Variants in FNTB observed in about 807,000 individuals in gnomAD.
FNTB encodes protein farnesyltransferase subunit beta.
In FNTB, 27 loss-of-function variants were observed where a neutral mutation model predicts 59.4. That is an observed-to-expected ratio of 0.45 (90% confidence interval 0.34 to 0.63). The LOEUF is 0.63. FNTB is among the 20% of genes least tolerant of loss of function. FNTB has a pLI of 0.02. For missense variants in FNTB, 449 were observed against 559.6 expected, an observed-to-expected ratio of 0.80 and a Z score of 1.99; for synonymous variants, 230 against 220.7, an observed-to-expected ratio of 1.04 and a Z score of -0.37.
In FNTB at chr14:64,990,639, C is replaced by G. The variant is rs932507418; in HGVS notation, c.144+3542C>G. ...CTTTATAAACTCTCCTCAAATCACC[C>G]ACTTTGTGCCATCTGTTTCCTGCCA... is the stretch of plus-strand genomic sequence containing the variant. On this transcript the variant is annotated intron_variant, in intron 1 of 11. Coordinates refer to ENST00000246166, the MANE Select transcript of FNTB (RefSeq NM_002028.4). The surrounding 1 kb of genome is among the most constrained non-coding windows in gnomAD (Gnocchi z 5.2). Among the ~76,000 whole-genome samples, 4 of 152,176 alleles carry G rather than the reference C, an allele frequency of 2.6e-5. No homozygotes were observed. Among genetic ancestry groups the G allele is most frequent in the African/African-American group, 9.7e-5 (4 of 41,448 alleles).
At position 65,061,505 on chromosome 14, in the gene FNTB, C is replaced by A; in HGVS notation, c.*193C>A. 3.9e-6 allele frequency: 4 copies of A among 1,024,514 alleles called. No individual in the cohort carries two copies. Among genetic ancestry groups the A allele is most frequent in the South Asian group, 1.8e-5 (1 of 55,430 alleles). 63.5% of individuals were successfully genotyped at this position (1,024,514 alleles called of 1,614,324 possible). On this transcript the variant is annotated 3_prime_UTR_variant, in exon 12 of 12. Coordinates refer to ENST00000246166, the MANE Select transcript of FNTB (RefSeq NM_002028.4). ...AACACAGTGGCTGGTTTTAAAAATT[C>A]TTTCCACACCTGTCAAACCAAAAAT...
chr14:65,032,779 G>C lies in FNTB; in HGVS notation c.692+83G>C. The C allele has an allele frequency of 7.3e-7, 1 of 1,368,062 alleles. No individual in the cohort carries two copies. Among genetic ancestry groups the C allele is most frequent in the Admixed American group, 2.4e-5 (1 of 41,630 alleles). The allele number at this position is 1,368,062 out of a possible 1,614,324, so 84.7% of individuals were successfully genotyped here. A position where few individuals can be genotyped will look rare whatever the true frequency, so the allele number is the denominator to read the frequency against. On this transcript the variant is annotated intron_variant, in intron 7 of 11. Transcript: ENST00000246166. This position sits in a 1 kb window ranked among gnomAD's most constrained non-coding sequence, Gnocchi z 5.0. Reference sequence around the variant, plus strand: ...TTCAGAAAAATAAAGAAAATGCAGAGGGACTTGGAAGGAAATACAAAAATC... The same window carrying C: ...TTCAGAAAAATAAAGAAAATGCAGACGGACTTGGAAGGAAATACAAAAATC...
At chr14:65,043,839 A>AAG (rs2062412210) in intron 8 of FNTB, among the ~76,000 whole-genome samples, 2 of 82,296 alleles carry the variant, frequency 2.4e-5, no homozygotes, top group Non-Finnish European at 4.6e-5. Context: ...AAAAAAAAAA[A>AAG]AAAAAAAAAA....
Position 65,014,914 on chromosome 14 carries a change from G to A in FNTB, c.283-711G>A, listed in dbSNP as rs1323332785. 6.6e-6 allele frequency among the ~76,000 whole-genome samples: 1 copy of A among 152,108 alleles called. No homozygotes were observed. The highest frequency in any genetic ancestry group is 2.4e-5 in the African/African-American group (1 of 41,424). On this transcript the variant is annotated intron_variant, in intron 3 of 11. Transcript: ENST00000246166. The surrounding 1 kb of genome is among the most constrained non-coding windows in gnomAD (Gnocchi z 5.1). The stretch of plus-strand genomic sequence containing the variant: ...ACTATCAAATATTTGTTGAATCAGT[G>A]ATTGAGTTAAGCTAGGAAATCTCTT...
chr14:65,046,344 G>A (rs564511835), intron 9 of FNTB, among the ~76,000 whole-genome samples: 4 of 152,342 alleles, frequency 2.6e-5, no homozygotes, highest in African/African-American at 9.6e-5. Context: ...GTGAGGTCAA[G>A]CCCCTGGTAA....
In FNTB at chr14:65,023,953, T is replaced by G. The variant is rs911474650; in HGVS notation, c.375-3500T>G. Among the ~76,000 whole-genome samples the G allele has an allele frequency of 1.3e-5, 2 of 151,944 alleles. No homozygotes were observed. Among genetic ancestry groups the G allele is most frequent in the Non-Finnish European group, 2.9e-5 (2 of 67,974 alleles). On this transcript the variant is annotated intron_variant, in intron 4 of 11. Coordinates refer to ENST00000246166, the MANE Select transcript of FNTB (RefSeq NM_002028.4). This position sits in a 1 kb window ranked among gnomAD's most constrained non-coding sequence, Gnocchi z 4.1. Reference sequence around the variant, plus strand: ...CTGACTCTACTAAAAAATACAAAAATTAGCTGGGCGTGGCGGCATGCACCT... The same window carrying G: ...CTGACTCTACTAAAAAATACAAAAAGTAGCTGGGCGTGGCGGCATGCACCT...
intron 2 of FNTB, chr14:65,006,108 T>G (rs1022655153): frequency 2.2e-5 from 35 of 1,589,338 alleles, no homozygotes; most frequent in Non-Finnish European, 3.0e-5. Flanking sequence ...GTACTTCTGC[T>G]TACTGGAACA....
chr14:65,060,515 T>C (rs889020759), intron 11 of FNTB, among the ~76,000 whole-genome samples: 1 of 126,374 alleles, frequency 7.9e-6, no homozygotes, highest in Non-Finnish European at 1.5e-5. Context: ...GCTAAAACGG[T>C]GAAACCCCGT....
rs2062011803 is a variant in FNTB at position 65,027,837 on chromosome 14, A to G, written c.605+56A>G. The G allele has an allele frequency of 6.2e-6, 10 of 1,606,996 alleles. No homozygotes were observed. Among genetic ancestry groups the G allele is most frequent in the Admixed American group, 3.4e-5 (2 of 59,410 alleles). The stretch of plus-strand genomic sequence containing the variant: ...CAGTTGACTCTAGAGCTCATCTGCC[A>G]TTAGAGATGCCAAGCCTAAGGAACA... On this transcript the variant is annotated intron_variant, in intron 6 of 11. Transcript: ENST00000246166. The surrounding 1 kb of genome is among the most constrained non-coding windows in gnomAD (Gnocchi z 5.7).
chr14:65,005,513 C>CTTTCTTTCTT (rs1230873980), intron 2 of FNTB, among the ~76,000 whole-genome samples: 88 of 114,790 alleles, frequency 7.7e-4, no homozygotes, highest in African/African-American at 1.3e-3. Flanking sequence ...TTCTTTCTTT[C>CTTTCTTTCTT]TCTCTCTCTT....
chr14:65,051,255 C>G (rs1028836075), intron 9 of FNTB, among the ~76,000 whole-genome samples: 1 of 152,184 alleles, frequency 6.6e-6, no homozygotes, highest in Non-Finnish European at 1.5e-5. Context: ...CCTTGGAAAC[C>G]CTTTTCCTCT....
intron 1 of FNTB, among the ~76,000 whole-genome samples, chr14:64,988,322 A>G (rs1888034958): frequency 6.6e-6 from 1 of 152,180 alleles, no homozygotes; most frequent in Non-Finnish European, 1.5e-5. Context: ...AAAAGATTGT[A>G]AAGAAATTTC....
At chr14:65,046,484 A>G (rs1428177007) in intron 9 of FNTB, among the ~76,000 whole-genome samples, 1 of 152,218 alleles carries the variant, frequency 6.6e-6, no homozygotes, top group East Asian at 1.9e-4. Context: ...GCTGCTGGTT[A>G]ATTGTTTCTT....
chr14:65,036,590 C>T lies in FNTB; in HGVS notation c.692+3894C>T, dbSNP rs150576319. On this transcript the variant is annotated intron_variant, in intron 7 of 11. Transcript: ENST00000246166. ...GAGAAATCAAATGGATTCCACTGTG[C>T]TGTACTACCTGGCAGTGCCATTGTG... Among the ~76,000 whole-genome samples, 53 of 152,316 alleles carry T rather than the reference C, an allele frequency of 3.5e-4. No individual in the cohort carries two copies. In the East Asian group the frequency reaches 9.8e-3, roughly 28 times the overall value.
At chr14:65,055,506 T>A (rs566460038) in intron 11 of FNTB, among the ~76,000 whole-genome samples, 89 of 151,968 alleles carry the variant, frequency 5.9e-4, no homozygotes, top group African/African-American at 2.0e-3. Flanking sequence ...TTAAAAAAAT[T>A]TTTTTTTTAA....
intron 4 of FNTB, chr14:65,022,021 A>G (rs867016432): frequency 2.2e-6 from 1 of 456,070 alleles, no homozygotes. Flanking sequence ...CTTGATGAAG[A>G]GTCAAATAAC....
intron 1 of FNTB, among the ~76,000 whole-genome samples, chr14:64,996,123 CAAA>C (rs60137057): frequency 6.1e-5 from 5 of 82,502 alleles, no homozygotes; most frequent in Non-Finnish European, 1.0e-4. Context: ...AACTCTGTCT[CAAA>C]AAAAAAAAAA....
At position 64,994,975 on chromosome 14, in the gene FNTB, A is replaced by G. The variant is rs1888339420; in HGVS notation, c.144+7878A>G. On this transcript the variant is annotated intron_variant, in intron 1 of 11. Transcript: ENST00000246166. The surrounding 1 kb of genome is among the most constrained non-coding windows in gnomAD (Gnocchi z 4.2). ...TTGACCCTTTTGTAATAACAGTTTA[A>G]AACACAAGCACATTGTACTGCTGTA... Among the ~76,000 whole-genome samples, 1 of 152,248 alleles carries G rather than the reference A, an allele frequency of 6.6e-6. No homozygotes were observed. Among genetic ancestry groups the G allele is most frequent in the Admixed American group, 6.5e-5 (1 of 15,284 alleles).
At chr14:65,026,567 ATG>A (rs2061985371) in intron 4 of FNTB, among the ~76,000 whole-genome samples, 1 of 152,198 alleles carries the variant, frequency 6.6e-6, no homozygotes, top group Non-Finnish European at 1.5e-5. Flanking sequence ...TCCATTAAAA[ATG>A]TGTTTTTCAG....
Sources: gnomAD v4.1 joint callset for allele counts (sites outside exome capture counted in the v4.1 genomes callset) on GRCh38, gnomAD v4.1.1 for gene constraint, Gnocchi (gnomAD v3.1) non-coding constraint, MANE v1.5 for transcripts, NCBI Gene and HGNC (gene_info 2026-07-23, HGNC 2026-07-21) for gene names.